The following APP variants were observed in gnomAD, a reference collection of about 807,000 sequenced individuals.
APP encodes amyloid-beta precursor protein.
A neutral mutation model predicts 101.4 loss-of-function variants in APP; 31 were observed. That is an observed-to-expected ratio of 0.31 (90% CI 0.23 to 0.41). The LOEUF (loss-of-function observed/expected upper bound fraction) is 0.41, where lower values mean the gene tolerates loss of function less well. Ranked by LOEUF, APP falls within the 10% of genes least tolerant of loss-of-function variation. APP has a pLI of 1.00. For synonymous variants in APP, 366 were observed against 364.4 expected, an observed-to-expected ratio of 1.00 and a Z score of -0.05; for missense variants, 839 against 1,003.7, an observed-to-expected ratio of 0.84 and a Z score of 2.22.
chr21:25,898,756 G>A (rs1202788437), intron 15 of APP, among the ~76,000 whole-genome samples: 2 of 152,152 alleles, frequency 1.3e-5, no homozygotes, highest in Middle Eastern at 3.4e-3. Flanking sequence ...CAGGTATCAC[G>A]ACCCTAAGGA....
chr21:25,959,586 G>A (rs2041488856), intron 11 of APP, among the ~76,000 whole-genome samples: 1 of 152,212 alleles, frequency 6.6e-6, no homozygotes, highest in Non-Finnish European at 1.5e-5. Context: ...CTTTAATTGT[G>A]CAGAAGGTTC....
chr21:25,925,014 TA>T, intron 13 of APP, among the ~76,000 whole-genome samples: 1 of 152,320 alleles, frequency 6.6e-6, no homozygotes, highest in South Asian at 2.1e-4. Context: ...ATCTTTTAAA[TA>T]AAAATTTACT....
At chr21:25,952,462 T>C (rs1277516491) in intron 13 of APP, among the ~76,000 whole-genome samples, 1 of 152,162 alleles carries the variant, frequency 6.6e-6, no homozygotes, top group African/African-American at 2.4e-5. Context: ...TGAAGTTTAT[T>C]GTGCTGCCCT....
chr21:26,005,536 T>C (rs1368898355), intron 6 of APP, among the ~76,000 whole-genome samples: 5 of 152,180 alleles, frequency 3.3e-5, no homozygotes, highest in Non-Finnish European at 7.3e-5. Context: ...TTTGAGAAAA[T>C]TTCCTTTACA....
At chr21:26,005,204 A>T (rs1285406733) in intron 6 of APP, among the ~76,000 whole-genome samples, 2 of 152,146 alleles carry the variant, frequency 1.3e-5, no homozygotes, top group Admixed American at 6.5e-5. Context: ...ACCTGAGGTC[A>T]GGAGTTCAAG....
chr21:26,134,055 G>A (rs1337706560), intron 1 of APP, among the ~76,000 whole-genome samples: 1 of 152,122 alleles, frequency 6.6e-6, no homozygotes, highest in Non-Finnish European at 1.5e-5. Flanking sequence ...TACAGCATTT[G>A]GAGGAGAAGC....
At chr21:26,007,256 ACTTC>A in intron 6 of APP, among the ~76,000 whole-genome samples, 1 of 151,334 alleles carries the variant, frequency 6.6e-6, no homozygotes, top group East Asian at 1.9e-4. Flanking sequence ...GTAATAAGTT[ACTTC>A]CTTAATGTAA....
intron 3 of APP, among the ~76,000 whole-genome samples, chr21:26,066,397 C>T (rs1387674228): frequency 6.6e-6 from 1 of 152,016 alleles, no homozygotes; most frequent in African/African-American, 2.4e-5. Context: ...ACCATCACTA[C>T]CTTCCATCTC....
intron 6 of APP, among the ~76,000 whole-genome samples, chr21:26,005,992 C>CA (rs2043515033): frequency 6.6e-6 from 1 of 151,978 alleles, no homozygotes; most frequent in South Asian, 2.1e-4. Context: ...TAAGAAAAAA[C>CA]AAAAAACTCT....
At chr21:26,133,122 C>T (rs1204908206) in intron 1 of APP, among the ~76,000 whole-genome samples, 4 of 152,090 alleles carry the variant, frequency 2.6e-5, no homozygotes, top group African/African-American at 9.7e-5. Context: ...CCTGTAGTCC[C>T]AGCTACTTAG....
At chr21:25,907,794 A>G (rs929285167) in intron 14 of APP, among the ~76,000 whole-genome samples, 1 of 152,246 alleles carries the variant, frequency 6.6e-6, no homozygotes, top group Admixed American at 6.5e-5. Flanking sequence ...CCAGTTTTAC[A>G]TATAGATAAG....
intron 7 of APP, among the ~76,000 whole-genome samples, chr21:25,997,812 T>C (rs969316407): frequency 3.9e-5 from 6 of 152,230 alleles, no homozygotes; most frequent in Non-Finnish European, 8.8e-5. Flanking sequence ...TCTCTACTTA[T>C]TCTTGTCCAC....
intron 5 of APP, among the ~76,000 whole-genome samples, chr21:26,043,223 TTTTTC>T (rs368091347): frequency 0.013 from 1,986 of 148,312 alleles, 31 homozygotes; most frequent in African/African-American, 0.048. Context: ...TATTCCTTAG[TTTTTC>T]TTTTCTTTTC....
intron 13 of APP, chr21:25,945,948 C>T (rs915561048): frequency 2.2e-6 from 1 of 455,090 alleles, no homozygotes; most frequent in Non-Finnish European, 4.4e-6. Context: ...TCCCAAAATG[C>T]TGGAATTACA....
rs61701125 is a variant in APP, at chr21:26,136,866, C to T, written c.58-24720G>A. ...CTGTAGAAACTAGAATGTCATTCTC[C>T]GCTGAGAAACCACAAACTAGTTTCC... On this transcript the variant is annotated intron_variant, in intron 1 of 17. Coordinates refer to ENST00000346798, the MANE Select transcript of APP (RefSeq NM_000484.4). Among the ~76,000 whole-genome samples the T allele has an allele frequency of 6.0e-3, 909 of 152,316 alleles. 9 individuals carry two copies. Among genetic ancestry groups the T allele is most frequent in the African/African-American group, 0.021 (855 of 41,564 alleles).
intron 11 of APP, among the ~76,000 whole-genome samples, chr21:25,974,142 A>G (rs376844322): frequency 6.6e-6 from 1 of 152,250 alleles, no homozygotes; most frequent in African/African-American, 2.4e-5. Flanking sequence ...ATGACTGACA[A>G]ATGCTTCCCC....
At chr21:25,885,973 A>C (rs1169690974) in intron 17 of APP, among the ~76,000 whole-genome samples, 3 of 152,170 alleles carry the variant, frequency 2.0e-5, no homozygotes, top group Non-Finnish European at 4.4e-5. Context: ...GAGAGGCAGG[A>C]AACACCACGT....
At chr21:26,134,472 A>G (rs1023429165) in intron 1 of APP, among the ~76,000 whole-genome samples, 1 of 152,194 alleles carries the variant, frequency 6.6e-6, no homozygotes, top group Non-Finnish European at 1.5e-5. Flanking sequence ...CATTTATTTT[A>G]AAGGATATTA....
intron 3 of APP, among the ~76,000 whole-genome samples, chr21:26,079,044 C>CAA (rs34285555): frequency 0.027 from 3,049 of 114,212 alleles, 127 homozygotes; most frequent in African/African-American, 0.083. Context: ...AACTCCATCT[C>CAA]AAAAAAAAAA....
Sources: gnomAD v4.1 joint callset for allele counts (sites outside exome capture counted in the v4.1 genomes callset) on GRCh38, gnomAD v4.1.1 for gene constraint, MANE v1.5 for transcripts, NCBI Gene and HGNC (gene_info 2026-07-23, HGNC 2026-07-21) for gene names.